CRB2: variants seen among roughly 807,000 people sequenced by gnomAD.
CRB2 encodes protein crumbs homolog 2.
CRB2 carries 85 observed loss-of-function variants against 110.9 expected under a neutral mutation model. The ratio of observed to expected loss-of-function variants is 0.77; its 90% CI spans 0.64 to 0.92. The LOEUF is 0.92. Ranked by LOEUF, CRB2 falls within the 40% of genes least tolerant of loss-of-function variation. The pLI is 0.00. For synonymous variants in CRB2, 907 were observed against 831.0 expected (o/e 1.09, Z -1.57); for missense variants, 1,843 against 1,851.3 (o/e 1.00, Z 0.08).
At chr9:123,357,327 A>T (rs1320618210) in intron 1 of CRB2, among the ~76,000 whole-genome samples, 1 of 151,808 alleles carries the variant, frequency 6.6e-6, no homozygotes, top group Admixed American at 6.5e-5. Flanking sequence ...CCCCACCACC[A>T]CAGGCTGGGG....
At chr9:123,363,592 G>A (rs926770511) in intron 2 of CRB2, among the ~76,000 whole-genome samples, 3 of 152,030 alleles carry the variant, frequency 2.0e-5, no homozygotes, top group African/African-American at 7.2e-5. Context: ...CTGTCTACAC[G>A]ACAGTCACCA....
chr9:123,366,370 T>C lies in CRB2; in HGVS notation c.754+4T>C. 2 of 1,543,666 alleles carry C rather than the reference T, an allele frequency of 1.3e-6. No homozygotes were observed. The highest frequency in any genetic ancestry group is 1.7e-6 in the Non-Finnish European group (2 of 1,157,302). The stretch of plus-strand genomic sequence containing the variant: ...TTCCGCTGCCTCTGTTGGCCAGGTG[T>C]GTGCGTGCAGGTGCGCGGCCTGGCG... On this transcript the variant is annotated splice_donor_region_variant and intron_variant, in intron 4 of 12. Coordinates refer to ENST00000373631, the MANE Select transcript of CRB2 (RefSeq NM_173689.7).
At chr9:123,368,101 G>A (rs542612473) in intron 6 of CRB2, among the ~76,000 whole-genome samples, 5 of 152,176 alleles carry the variant, frequency 3.3e-5, no homozygotes, top group African/African-American at 1.2e-4. Flanking sequence ...CCTGCCTTGG[G>A]TACACGCAGA....
chr9:123,373,466 G>A lies in CRB2; in HGVS notation c.2935G>A (p.Gly979Ser). 6.9e-7 allele frequency: 1 copy of A among 1,455,288 alleles called. No homozygotes were observed. Among genetic ancestry groups the A allele is most frequent in the Non-Finnish European group, 9.0e-7 (1 of 1,111,466 alleles). The allele number at this position is 1,455,288 out of a possible 1,614,324, so 90.1% of individuals were successfully genotyped here. Reference protein sequence around the residue: ...TTSRWLLWLDGAATPVALRGL... With the variant: ...TTSRWLLWLDSAATPVALRGL... ...CTCGCGCTGGCTGCTGTGGCTGGAT[G>A]GTGCCGCCACCCCGGTGGCGCTGCG... is the stretch of plus-strand genomic sequence containing the variant. Residue 979 changes from glycine (G) to serine (S), a missense_variant, in exon 10 of 13, where the codon GGT becomes AGT. By Grantham distance (56) the Gly-to-Ser change is moderately conservative (BLOSUM62 0). Transcript: ENST00000373631.
chr9:123,373,757 G>C lies in CRB2; in HGVS notation c.3226G>C (p.Asp1076His). 3 of 1,590,046 alleles carry C rather than the reference G, an allele frequency of 1.9e-6. No homozygotes were observed. Among genetic ancestry groups the C allele is most frequent in the Non-Finnish European group, 1.7e-6 (2 of 1,176,400 alleles). ...LHDGACRDLFDAFACACGPGW... is the reference protein window; with the variant it reads ...LHDGACRDLFHAFACACGPGW... ...CGACGGTGCCTGCCGTGACCTCTTC[G>C]ACGCCTTTGCCTGCGCCTGCGGCCC... The change falls in exon 10 of 13, where the codon GAC (aspartate) becomes CAC (histidine). Residue 1076 changes from aspartate to histidine, a missense_variant. By Grantham distance (81) the Asp-to-His change is moderately conservative. Coordinates refer to ENST00000373631, the MANE Select transcript of CRB2 (RefSeq NM_173689.7).
At chr9:123,357,559 G>A (rs1046622543) in intron 1 of CRB2, among the ~76,000 whole-genome samples, 2 of 152,078 alleles carry the variant, frequency 1.3e-5, no homozygotes, top group African/African-American at 2.4e-5. Context: ...CTCAGAGAGG[G>A]ACGGGGACTT....
chr9:123,376,913 C>A lies in CRB2; in HGVS notation c.3709C>A (p.Leu1237Ile), dbSNP rs373603388. The change falls in exon 13 of 13, where the codon CTC (leucine) becomes ATC (isoleucine). Residue 1237 changes from leucine to isoleucine, a missense_variant. Transcript: ENST00000373631. ...VPAACACLLL[L>I]LLGLLSGILA... The stretch of plus-strand genomic sequence containing the variant: ...TGCAGCCTGTGCCTGCCTCCTCCTC[C>A]TCCTCCTGGGCCTCCTTTCAGGGAT... 1.2e-4 allele frequency: 200 copies of A among 1,608,946 alleles called. No individual in the cohort carries two copies. The highest frequency in any genetic ancestry group is 1.6e-4 in the Non-Finnish European group (194 of 1,178,820).
intron 10 of CRB2, 111 bp downstream of exon 10, chr9:123,374,031 T>C (rs2042064915): frequency 6.0e-6 from 8 of 1,330,680 alleles, no homozygotes; most frequent in Non-Finnish European, 8.4e-6. Context: ...GGTCCTCATG[T>C]CCTTATCTGT....
At chr9:123,367,480 T>C in intron 5 of CRB2, 93 bp from the exon 6 acceptor site, 1 of 1,091,522 alleles carries the variant, frequency 9.2e-7, no homozygotes, top group South Asian at 1.4e-5. Flanking sequence ...GCCCTCTCTC[T>C]TGGACTCAGT....
Position 123,367,227 on chromosome 9 carries a change from C to T in CRB2, c.810C>T (p.Cys270=), listed in dbSNP as rs953362094. ...AGGACGAGTGTGCATCGAGCCCCTG[C>T]CAGCATGGGGGCCGATGCCTGCAGC... ...VDEDECASSP[C]QHGGRCLQRS... Residue 270 remains cysteine, a synonymous_variant, in exon 5 of 13, where the codon TGC becomes TGT. Coordinates refer to ENST00000373631, the MANE Select transcript of CRB2 (RefSeq NM_173689.7). 1.2e-6 allele frequency: 2 copies of T among 1,600,324 alleles called. No individual in the cohort carries two copies. The highest frequency in any genetic ancestry group is 1.7e-6 in the Non-Finnish European group (2 of 1,177,980).
At chr9:123,355,105 G>A (rs1430071468), upstream of CRB2, among the ~76,000 whole-genome samples, 1 of 152,236 alleles carries the variant, frequency 6.6e-6, no homozygotes, top group Admixed American at 6.5e-5. Flanking sequence ...AGTCCCTTCA[G>A]CAAGAGGATT....
At chr9:123,355,104 A>G (rs186781380), upstream of CRB2, among the ~76,000 whole-genome samples, 245 of 152,324 alleles carry the variant, frequency 1.6e-3, 1 homozygote, top group African/African-American at 5.6e-3. Flanking sequence ...AAGTCCCTTC[A>G]GCAAGAGGAT....
chr9:123,375,103 C>T, intron 11 of CRB2, 114 bp from the exon 12 acceptor site: 8 of 1,488,014 alleles, frequency 5.4e-6, no homozygotes, highest in Non-Finnish European at 7.3e-6. Flanking sequence ...CGCATGGGGA[C>T]AGTGGATGGA....
intron 6 of CRB2, among the ~76,000 whole-genome samples, chr9:123,369,533 G>A (rs1344646425): frequency 6.6e-6 from 1 of 152,084 alleles, no homozygotes; most frequent in African/African-American, 2.4e-5. Flanking sequence ...GGGTGAATGA[G>A]GCATTCCAAG....
chr9:123,377,344 TCAGGAGTGTGTGTATCTG>T lies in CRB2; in HGVS notation c.*283_*300del, dbSNP rs1428707521. On this transcript the variant is annotated 3_prime_UTR_variant, in exon 13 of 13. Coordinates refer to ENST00000373631, the MANE Select transcript of CRB2 (RefSeq NM_173689.7). ...GGGCACACGTGGGTTCACAGTGTGT[TCAGGAGTGTGTGTATCTG>T]GAGGAGTGTGTGTGTGAGTGTGTAC... 7.0e-6 allele frequency: 3 copies of T among 429,148 alleles called. No individual in the cohort carries two copies. Among genetic ancestry groups the T allele is most frequent in the Non-Finnish European group, 1.3e-5 (3 of 239,482 alleles). 26.6% of individuals were successfully genotyped at this position (429,148 alleles called of 1,614,324 possible).
intron 10 of CRB2, 129 bp from the exon 11 acceptor site, chr9:123,374,450 C>T: frequency 1.5e-6 from 1 of 688,464 alleles, no homozygotes; most frequent in South Asian, 1.7e-5. Flanking sequence ...ACCTCAATCC[C>T]ATGCCCAATA....
At position 123,363,080 on chromosome 9, in the gene CRB2, C is replaced by A; in HGVS notation, c.310C>A (p.Arg104Ser). 2 of 1,611,622 alleles carry A rather than the reference C, an allele frequency of 1.2e-6. No individual in the cohort carries two copies. ...CYCVPGFQGP[R>S]CELDIDECAS... is the part of the protein sequence containing the mutation. ...CTGCGTGCCGGGTTTCCAGGGCCCA[C>A]GCTGCGAGCTGGACATCGATGAGTG... The change falls in exon 2 of 13, where the codon CGC becomes AGC. Residue 104 changes from arginine (R) to serine (S), a missense_variant. Arg to Ser is a moderately radical substitution (Grantham distance 110). Coordinates refer to ENST00000373631, the MANE Select transcript of CRB2 (RefSeq NM_173689.7).
At chr9:123,380,100 ACCCCCTTGT>A (rs2042200434), downstream of CRB2, 1 of 151,750 alleles carries the variant, frequency 6.6e-6, no homozygotes, top group Non-Finnish European at 1.5e-5. Flanking sequence ...ATCTCCAGAG[ACCCCCTTGT>A]CCCCCAGACA....
In CRB2 at chr9:123,364,838, G is replaced by A. The variant is rs577178120; in HGVS notation, c.419-1079G>A. On this transcript the variant is annotated intron_variant, in intron 2 of 12. Transcript: ENST00000373631. ...GCTGTCGTGATTCGCCCAGGACTGC[G>A]AGGGTTCTGGGGACTTGGTACTTTC... Among the ~76,000 whole-genome samples, 86 of 152,294 alleles carry A rather than the reference G, an allele frequency of 5.6e-4. 1 individual carries two copies. Among genetic ancestry groups the A allele is most frequent in the African/African-American group, 1.9e-3 (80 of 41,554 alleles).
Sources: allele counts gnomAD v4.1 joint callset (sites outside exome capture counted in the v4.1 genomes callset), GRCh38; gene constraint gnomAD v4.1.1; transcripts MANE v1.5; gene names NCBI Gene and HGNC (gene_info 2026-07-23, HGNC 2026-07-21).